The following PIK3R4 variants were observed in gnomAD, a reference collection of about 807,000 sequenced individuals.
PIK3R4 encodes phosphoinositide 3-kinase regulatory subunit 4.
In PIK3R4, 46 loss-of-function variants were observed where a neutral mutation model predicts 136.5. The observed-to-expected ratio is 0.34, with a 90% CI of 0.27 to 0.43. The LOEUF (loss-of-function observed/expected upper bound fraction) is 0.43. PIK3R4 is among the 20% of genes least tolerant of loss of function. PIK3R4 has a pLI of 1.00. For synonymous variants in PIK3R4, 557 were observed against 566.7 expected (o/e 0.98, Z 0.24); for missense variants, 1,331 against 1,649.5 (o/e 0.81, Z 3.35).
At chr3:130,691,528 A>G (rs926230456) in intron 13 of PIK3R4, among the ~76,000 whole-genome samples, 2 of 152,126 alleles carry the variant, frequency 1.3e-5, no homozygotes, top group African/African-American at 4.8e-5. Context: ...TCATCTACAC[A>G]GGGGACCTCC....
At position 130,707,128 on chromosome 3, in the gene PIK3R4, T is replaced by C. The variant is rs1417400902; in HGVS notation, c.2541A>G (p.Lys847=). 6 of 1,600,936 alleles carry C rather than the reference T, an allele frequency of 3.7e-6. No homozygotes were observed. The highest frequency in any genetic ancestry group is 2.0e-4 in the Middle Eastern group (1 of 4,904). ...KQEPDDKRAR[K]HVKQDSNVNE... ...TTACATTTGAGTCTTGTTTTACATG[T>C]TTTCTGGCTATGAAAATATATTCAG... Residue 847 remains lysine (K), a synonymous_variant, in exon 11 of 20, where the codon AAA becomes AAG. Coordinates refer to ENST00000356763, the MANE Select transcript of PIK3R4 (RefSeq NM_014602.3).
rs888323783 is a variant in PIK3R4 at position 130,728,633 on chromosome 3, C to T, written c.1637G>A (p.Ser546Asn). 3.8e-6 allele frequency: 6 copies of T among 1,598,328 alleles called. No homozygotes were observed. The African/African-American group carries it at 5.5e-5, about 15-fold the overall frequency. ...TTGTTTTACAATATTTTCAGGGTCA[C>T]TTAGCAAAGTAACAACTTTCTGCTG... The part of the protein sequence containing the change: ...MVQQKVVTLL[S>N]DPENIVKQTL... The change falls in exon 6 of 20, where the codon AGT becomes AAT. Residue 546 changes from serine (S) to asparagine (N), a missense_variant. Physicochemically the swap from Ser to Asn is conservative, Grantham distance 46. This residue lies in a region of PIK3R4 where 1,180 missense variants were observed against 1,407.0 expected (regional missense o/e 0.84). Transcript: ENST00000356763.
At chr3:130,701,251 C>T (rs2066572541) in intron 13 of PIK3R4, among the ~76,000 whole-genome samples, 1 of 152,122 alleles carries the variant, frequency 6.6e-6, no homozygotes, top group Non-Finnish European at 1.5e-5. Flanking sequence ...GTGGCTCACA[C>T]CCGTAAACTC....
Position 130,736,015 on chromosome 3 carries a change from A to C in PIK3R4, c.734-13T>G, listed in dbSNP as rs1374378463. The C allele has an allele frequency of 2.5e-6, 4 of 1,598,874 alleles. No homozygotes were observed. Among genetic ancestry groups the C allele is most frequent in the African/African-American group, 2.7e-5 (2 of 74,266 alleles). On this transcript the variant is annotated splice_polypyrimidine_tract_variant and intron_variant, in intron 2 of 19. Coordinates refer to ENST00000356763, the MANE Select transcript of PIK3R4 (RefSeq NM_014602.3). The stretch of plus-strand genomic sequence containing the variant: ...GCTATCACACAACCTGAAAAATAGC[A>C]GGTATAATTCTGTTAGAAAAGAGAT...
chr3:130,738,312 A>C (rs1361817951), intron 2 of PIK3R4, among the ~76,000 whole-genome samples: 1 of 152,196 alleles, frequency 6.6e-6, no homozygotes, highest in African/African-American at 2.4e-5. Flanking sequence ...TCTATTTATG[A>C]TATTTTCAAC....
At chr3:130,743,161 A>G (rs1433223397) in intron 2 of PIK3R4, among the ~76,000 whole-genome samples, 1 of 152,116 alleles carries the variant, frequency 6.6e-6, no homozygotes, top group East Asian at 1.9e-4. Flanking sequence ...CTGTAATCCC[A>G]ATACTTTGGA....
intron 13 of PIK3R4, among the ~76,000 whole-genome samples, chr3:130,701,921 C>T (rs2107606367): frequency 6.6e-6 from 1 of 151,860 alleles, no homozygotes; most frequent in Middle Eastern, 3.4e-3. Context: ...CACTTGAAGT[C>T]AGGAGTTCAA....
chr3:130,685,344 A>G (rs2066483407), intron 15 of PIK3R4, among the ~76,000 whole-genome samples: 1 of 152,210 alleles, frequency 6.6e-6, no homozygotes, highest in African/African-American at 2.4e-5. Context: ...CACAATTAAT[A>G]CATGTATCAA....
At chr3:130,679,723 C>T (rs1364529366) in intron 19 of PIK3R4, among the ~76,000 whole-genome samples, 1 of 151,956 alleles carries the variant, frequency 6.6e-6, no homozygotes, top group African/African-American at 2.4e-5. Context: ...TATCTTAGGT[C>T]AATATTCTGT....
intron 7 of PIK3R4, among the ~76,000 whole-genome samples, chr3:130,719,851 T>C (rs72998228): frequency 0.024 from 3,610 of 152,186 alleles, 164 homozygotes; most frequent in African/African-American, 0.081. Flanking sequence ...AACAGGAATC[T>C]GAAATGTGCT....
At chr3:130,731,873 T>C (rs60970026) in intron 4 of PIK3R4, among the ~76,000 whole-genome samples, 2,344 of 152,342 alleles carry the variant, frequency 0.015, 87 homozygotes, top group African/African-American at 0.053. Flanking sequence ...GGCACACACC[T>C]ATAGTGCTTG....
chr3:130,730,743 A>G (rs1000821899), intron 4 of PIK3R4, among the ~76,000 whole-genome samples: 13 of 151,844 alleles, frequency 8.6e-5, no homozygotes, highest in Non-Finnish European at 1.8e-4. Context: ...GCAGGGACTT[A>G]CCTTTTAAAC....
intron 13 of PIK3R4, among the ~76,000 whole-genome samples, chr3:130,696,863 A>G (rs1305402432): frequency 6.6e-6 from 1 of 152,056 alleles, no homozygotes; most frequent in East Asian, 1.9e-4. Flanking sequence ...TCCCACTATT[A>G]TAACTGAATT....
intron 2 of PIK3R4, among the ~76,000 whole-genome samples, chr3:130,740,439 C>T (rs539564767): frequency 6.6e-6 from 1 of 152,168 alleles, no homozygotes; most frequent in Admixed American, 6.5e-5. Context: ...TATACCTCAT[C>T]TTAGAAAACA....
At position 130,680,804 on chromosome 3, in the gene PIK3R4, A is replaced by AT. The variant is rs144894038; in HGVS notation, c.3798-84dup. 4,712 of 918,794 alleles carry AT rather than the reference A, an allele frequency of 5.1e-3. 155 individuals carry two copies. The African/African-American group carries it at 0.069, about 14-fold the overall frequency. The allele number at this position is 918,794 out of a possible 1,614,324, so 56.9% of individuals were successfully genotyped here. On this transcript the variant is annotated intron_variant, in intron 18 of 19. Transcript: ENST00000356763. ...ATCATTGGCTTATCTTCATCAATGCATTTTTTCTTTTGCATTAGGAAAAGA... is the reference window on the plus strand; with the variant it reads ...ATCATTGGCTTATCTTCATCAATGCATTTTTTTCTTTTGCATTAGGAAAAGA...
At chr3:130,703,383 T>C (rs1378103419) in intron 13 of PIK3R4, among the ~76,000 whole-genome samples, 1 of 152,208 alleles carries the variant, frequency 6.6e-6, no homozygotes, top group Non-Finnish European at 1.5e-5. Flanking sequence ...TCTCACTTTT[T>C]TCAAGTCCTT....
In PIK3R4 at chr3:130,679,387, G is replaced by A. The variant is rs780516891; in HGVS notation, c.4005C>T (p.Val1335=). 24 of 1,612,716 alleles carry A rather than the reference G, an allele frequency of 1.5e-5. No individual in the cohort carries two copies. The highest frequency in any genetic ancestry group is 9.9e-5 in the South Asian group (9 of 91,012). ...AGCCCTGTGTGGTCTGGAATGTGGC[G>A]ACATCAGTGATGATGTCATGATGTC... ...PVGHHDIITD[V]ATFQTTQGFI... Residue 1335 remains valine, a synonymous_variant, in exon 20 of 20, where the codon GTC becomes GTT. Coordinates refer to ENST00000356763, the MANE Select transcript of PIK3R4 (RefSeq NM_014602.3).
chr3:130,716,343 A>G, intron 9 of PIK3R4, 53 bp downstream of exon 9: 2 of 1,417,942 alleles, frequency 1.4e-6, no homozygotes, highest in East Asian at 2.3e-5. Context: ...GGACACTTCA[A>G]TATTTTTATG....
intron 7 of PIK3R4, among the ~76,000 whole-genome samples, chr3:130,722,078 T>C (rs2107615003): frequency 6.6e-6 from 1 of 152,296 alleles, no homozygotes; most frequent in African/African-American, 2.4e-5. Context: ...ACACATAGTT[T>C]AAAAACAGAA....
Sources: allele counts gnomAD v4.1 joint callset (sites outside exome capture counted in the v4.1 genomes callset), GRCh38; gene constraint gnomAD v4.1.1; regional missense constraint gnomAD v4.1.1; transcripts MANE v1.5; gene names NCBI Gene and HGNC (gene_info 2026-07-23, HGNC 2026-07-21).